The following LNPEP variants were observed in gnomAD, a reference collection of about 807,000 sequenced individuals.
The protein encoded by LNPEP is leucyl-cystinyl aminopeptidase.
A neutral mutation model predicts 120.6 loss-of-function variants in LNPEP; 64 were observed. That is an observed-to-expected ratio of 0.53 (90% CI 0.43 to 0.65). The LOEUF (loss-of-function observed/expected upper bound fraction) is 0.65. Ranked by LOEUF, LNPEP falls within the 30% of genes least tolerant of loss-of-function variation. The pLI, the probability that LNPEP is intolerant of heterozygous loss-of-function variation, is 0.00. For missense variants in LNPEP, 1,057 were observed against 1,200.0 expected (o/e 0.88, Z 1.76); for synonymous variants, 435 against 425.4 (o/e 1.02, Z -0.28).
At chr5:97,014,377 T>C (rs1259880992) in intron 12 of LNPEP, among the ~76,000 whole-genome samples, 1 of 152,190 alleles carries the variant, frequency 6.6e-6, no homozygotes, top group Non-Finnish European at 1.5e-5. Context: ...CCTTCTCATC[T>C]CCCTGGGCAT....
chr5:96,962,917 G>T (rs759575539), intron 1 of LNPEP, among the ~76,000 whole-genome samples: 19 of 152,086 alleles, frequency 1.2e-4, no homozygotes, highest in Non-Finnish European at 2.5e-4. Flanking sequence ...GTCTAACCTG[G>T]TCCCGTGCTA....
Position 97,036,337 on chromosome 5 carries a change from C to T in LNPEP, c.*7804C>T, listed in dbSNP as rs1029433339. 3.9e-5 allele frequency: 6 copies of T among 152,148 alleles called. No homozygotes were observed. Among genetic ancestry groups the T allele is most frequent in the South Asian group, 2.1e-4 (1 of 4,832 alleles). 9.4% of individuals were successfully genotyped at this position (152,148 alleles called of 1,614,324 possible). A position where few individuals can be genotyped will look rare whatever the true frequency, so the allele number is the denominator to read the frequency against. On this transcript the variant is annotated 3_prime_UTR_variant, in exon 18 of 18. Coordinates refer to ENST00000231368, the MANE Select transcript of LNPEP (RefSeq NM_005575.3). Reference sequence around the variant, plus strand: ...TTTGTGTGACTGCATCTTTCTCCTCCGTTCTCCATTGTGTGCTTTCCATTT... The same window carrying T: ...TTTGTGTGACTGCATCTTTCTCCTCTGTTCTCCATTGTGTGCTTTCCATTT...
chr5:96,957,327 T>TA (rs1789493661), intron 1 of LNPEP, among the ~76,000 whole-genome samples: 1 of 152,212 alleles, frequency 6.6e-6, no homozygotes, highest in East Asian at 1.9e-4. Flanking sequence ...GCTCCAATGT[T>TA]AGTTTAGTTC....
intron 3 of LNPEP, among the ~76,000 whole-genome samples, chr5:96,985,748 G>T (rs1790225910): frequency 6.7e-6 from 1 of 148,490 alleles, no homozygotes; most frequent in Admixed American, 6.7e-5. Context: ...AGCCTAGGGG[G>T]TCTTTTTTTG....
intron 11 of LNPEP, chr5:97,010,634 T>G (rs1330029594): frequency 1.0e-6 from 1 of 985,084 alleles, no homozygotes; most frequent in Non-Finnish European, 1.2e-6. Context: ...TCGTAGCTCA[T>G]TGACAAATGG....
At chr5:96,938,652 A>G (rs1473092225) in intron 1 of LNPEP, among the ~76,000 whole-genome samples, 4 of 152,126 alleles carry the variant, frequency 2.6e-5, no homozygotes, top group African/African-American at 9.7e-5. Context: ...CCTGTTGATA[A>G]TTGGTTCATT....
intron 9 of LNPEP, 106 bp from the exon 10 acceptor site, chr5:97,005,967 G>A (rs929006643): frequency 1.5e-5 from 4 of 267,112 alleles, no homozygotes; most frequent in Non-Finnish European, 2.8e-5. Flanking sequence ...CTTTATAGAT[G>A]GTAGGAAAAG....
chr5:96,956,219 C>T (rs1285007220), intron 1 of LNPEP, among the ~76,000 whole-genome samples: 1 of 152,210 alleles, frequency 6.6e-6, no homozygotes, highest in East Asian at 1.9e-4. Flanking sequence ...AAATATATTA[C>T]ACAAATGTAT....
chr5:97,001,234 G>A (rs1310913332), intron 8 of LNPEP, among the ~76,000 whole-genome samples: 1 of 152,168 alleles, frequency 6.6e-6, no homozygotes. Context: ...TGAAGGTGAT[G>A]GAGGTACAAC....
At chr5:97,013,037 C>A (rs1314813850) in intron 11 of LNPEP, among the ~76,000 whole-genome samples, 1 of 152,102 alleles carries the variant, frequency 6.6e-6, no homozygotes, top group Non-Finnish European at 1.5e-5. Flanking sequence ...CACTGTCTTC[C>A]CCTGCTGCCT....
intron 1 of LNPEP, among the ~76,000 whole-genome samples, chr5:96,974,409 G>A (rs1789941013): frequency 6.6e-6 from 1 of 151,906 alleles, no homozygotes; most frequent in Admixed American, 6.6e-5. Flanking sequence ...TCATTTTCTT[G>A]TACACTCTCC....
chr5:96,943,169 G>A, intron 1 of LNPEP: 1 of 492,550 alleles, frequency 2.0e-6, no homozygotes, highest in African/African-American at 2.0e-5. Context: ...TGAGGTTGAA[G>A]TCACCATTGC....
At chr5:96,989,366 AATTATATATTATAT>A (rs1252378716) in intron 4 of LNPEP, among the ~76,000 whole-genome samples, 1 of 25,986 alleles carries the variant, frequency 3.8e-5, no homozygotes, top group East Asian at 1.2e-3. Flanking sequence ...TATTATATAT[AATTATATATTATAT>A]ATTATATACA....
chr5:96,972,393 G>A (rs1264741729), intron 1 of LNPEP, among the ~76,000 whole-genome samples: 4 of 151,992 alleles, frequency 2.6e-5, no homozygotes, highest in Non-Finnish European at 4.4e-5. Flanking sequence ...TCTTTGCTCT[G>A]GCTGGGTTGA....
At chr5:96,978,319 T>A (rs1790048578) in intron 1 of LNPEP, among the ~76,000 whole-genome samples, 1 of 152,174 alleles carries the variant, frequency 6.6e-6, no homozygotes, top group Non-Finnish European at 1.5e-5. Flanking sequence ...TGAGATCCAC[T>A]AACACTCATG....
chr5:97,006,047 T>TAC (rs72077561), intron 9 of LNPEP, 26 bp from the exon 10 acceptor site: 227 of 282,058 alleles, frequency 8.0e-4, no homozygotes, highest in Middle Eastern at 4.7e-3. Context: ...GAAAAAGTTT[T>TAC]ATATATATAT....
At chr5:97,007,803 T>G (rs1293179672) in intron 11 of LNPEP, among the ~76,000 whole-genome samples, 1 of 152,204 alleles carries the variant, frequency 6.6e-6, no homozygotes, top group Non-Finnish European at 1.5e-5. Flanking sequence ...GGTTTTTCCA[T>G]TATATGAAAT....
Position 96,993,961 on chromosome 5 carries a change from T to A in LNPEP, c.1397T>A (p.Leu466Gln). The A allele has an allele frequency of 6.2e-7, 1 of 1,613,774 alleles. No homozygotes were observed. Among genetic ancestry groups the A allele is most frequent in the Non-Finnish European group, 8.5e-7 (1 of 1,179,744 alleles). ...GTGACTAAAATCATTGCTCATGAGC[T>A]GGCCCACCAGGTATTAGCAACCAAG... Reference protein sequence around the residue: ...KLVTKIIAHELAHQWFGNLVT... With the variant: ...KLVTKIIAHEQAHQWFGNLVT... The change falls in exon 6 of 18, where the codon CTG becomes CAG. Residue 466 changes from leucine to glutamine, a missense_variant. Physicochemically the swap from Leu to Gln is moderately radical, Grantham distance 113 (BLOSUM62 -2). Coordinates refer to ENST00000231368, the MANE Select transcript of LNPEP (RefSeq NM_005575.3).
rs1220718954 is a variant in LNPEP at position 97,029,575 on chromosome 5, C to T, written c.*1042C>T. 2 of 152,176 alleles carry T rather than the reference C, an allele frequency of 1.3e-5. No individual in the cohort carries two copies. Among genetic ancestry groups the T allele is most frequent in the African/African-American group, 2.4e-5 (1 of 41,390 alleles). The allele number at this position is 152,176 out of a possible 1,614,324, so 9.4% of individuals were successfully genotyped here. On this transcript the variant is annotated 3_prime_UTR_variant, in exon 18 of 18. Transcript: ENST00000231368. ...TTAGAAGCATATTTTAAAACAGAGCCTTTGAGAAATTGAAAAACAATTATT... is the reference window on the plus strand; with the variant it reads ...TTAGAAGCATATTTTAAAACAGAGCTTTTGAGAAATTGAAAAACAATTATT...
Sources: gnomAD v4.1 joint callset for allele counts (sites outside exome capture counted in the v4.1 genomes callset) on GRCh38, gnomAD v4.1.1 for gene constraint, MANE v1.5 for transcripts, NCBI Gene and HGNC (gene_info 2026-07-23, HGNC 2026-07-21) for gene names.